The following VPS37A variants were observed in gnomAD, a reference collection of about 807,000 sequenced individuals.
The protein encoded by VPS37A is vacuolar protein sorting-associated protein 37A.
A neutral mutation model predicts 49.8 loss-of-function variants in VPS37A; 30 were observed. The observed-to-expected ratio is 0.60, with a 90% confidence interval of 0.45 to 0.82. The LOEUF is 0.82. VPS37A is among the 40% of genes least tolerant of loss of function. The probability of loss-of-function intolerance (pLI) is 0.00; values close to 1 mark genes in which losing one functional copy is unlikely to be tolerated. For synonymous variants in VPS37A, 195 were observed against 160.6 expected, an observed-to-expected ratio of 1.21 and a Z score of -1.62; for missense variants, 593 against 464.4, an observed-to-expected ratio of 1.28 and a Z score of -2.55.
intron 11 of VPS37A, among the ~76,000 whole-genome samples, chr8:17,291,054 C>G (rs1237891062): frequency 6.6e-6 from 1 of 152,132 alleles, no homozygotes; most frequent in Non-Finnish European, 1.5e-5. Context: ...CATTCTGTTG[C>G]CCAGGCTGGA....
At chr8:17,326,254 C>G in the VPS37A span, 2 of 152,148 alleles carry the variant, frequency 1.3e-5, no homozygotes, top group Non-Finnish European at 2.9e-5. Context: ...TGAGCTGAAA[C>G]AGGTTTCTCA....
chr8:17,251,175 A>G (rs889383924), intron 1 of VPS37A, among the ~76,000 whole-genome samples: 4 of 152,082 alleles, frequency 2.6e-5, no homozygotes, highest in African/African-American at 9.7e-5. Context: ...TGGTCTCATC[A>G]CCCTTCCCCC....
chr8:17,280,108 T>G lies in VPS37A; in HGVS notation c.794T>G (p.Ile265Ser), dbSNP rs1427565447. ...QFLTLPQLKQ[I>S]ITDKDDLVKS... ...CTGACTTTGCCTCAACTAAAACAAA[T>G]TATTACCGACAAAGATGACTTAGTA... The change falls in exon 7 of 12, where the codon ATT becomes AGT. Residue 265 changes from isoleucine (I) to serine (S), a missense_variant. Transcript: ENST00000324849. 1.2e-6 allele frequency: 2 copies of G among 1,612,656 alleles called. No homozygotes were observed. The highest frequency in any genetic ancestry group is 1.1e-5 in the South Asian group (1 of 90,984).
intron 1 of VPS37A, among the ~76,000 whole-genome samples, chr8:17,265,021 A>C (rs147591791): frequency 6.6e-6 from 1 of 152,228 alleles, no homozygotes; most frequent in Non-Finnish European, 1.5e-5. Flanking sequence ...AATGGTGGCT[A>C]AAACAAGATA....
At chr8:17,294,651 C>G (rs960458640) in intron 11 of VPS37A, among the ~76,000 whole-genome samples, 7 of 152,194 alleles carry the variant, frequency 4.6e-5, no homozygotes, top group African/African-American at 1.4e-4. Flanking sequence ...CTGGGTAGCA[C>G]AGTCCCTCAA....
chr8:17,323,854 AC>A, the VPS37A span, among the ~76,000 whole-genome samples: 1 of 152,132 alleles, frequency 6.6e-6, no homozygotes, highest in Non-Finnish European at 1.5e-5. Context: ...TTCTACAAGC[AC>A]TCATTTTGAA....
rs768939808 is a variant in VPS37A at position 17,280,035 on chromosome 8, C to A, written c.721C>A (p.Gln241Lys). The change falls in exon 7 of 12, where the codon CAA (glutamine) becomes AAA (lysine). Residue 241 changes from glutamine to lysine, a missense_variant. By Grantham distance (53) the Gln-to-Lys change is moderately conservative. Coordinates refer to ENST00000324849, the MANE Select transcript of VPS37A (RefSeq NM_152415.3). ...FPELSELSVSQLTDMNEQEEV... is the reference protein window; with the variant it reads ...FPELSELSVSKLTDMNEQEEV... ...TTTCTTTTGTGTTTCTAGTGTGTCA[C>A]AACTCACAGATATGAATGAACAAGA... The A allele has an allele frequency of 1.2e-6, 2 of 1,610,504 alleles. No homozygotes were observed. The highest frequency in any genetic ancestry group is 3.4e-5 in the Admixed American group (2 of 59,642).
In VPS37A at chr8:17,256,290, A is replaced by ATTTTTTTTTTTTTTTTTTTTT. The variant is rs529736602; in HGVS notation, c.125+8929_125+8949dup. Among the ~76,000 whole-genome samples the ATTTTTTTTTTTTTTTTTTTTT allele has an allele frequency of 8.3e-5, 5 of 60,402 alleles. 1 individual carries two copies. The highest frequency in any genetic ancestry group is 3.6e-4 in the African/African-American group (5 of 13,738). 39.6% of individuals were successfully genotyped at this position (60,402 alleles called of 152,430 possible). ...AAGTCTTTTTAGCTGGGGTAAAATG[A>ATTTTTTTTTTTTTTTTTTTTT]TTTTTTTTTTTTTTTTTTTTTTTTT... is the stretch of plus-strand genomic sequence containing the variant. On this transcript the variant is annotated intron_variant, in intron 1 of 11. Coordinates refer to ENST00000324849, the MANE Select transcript of VPS37A (RefSeq NM_152415.3).
At chr8:17,279,860 G>C (rs762950157) in intron 6 of VPS37A, 168 bp from the exon 7 acceptor site, 2 of 779,000 alleles carry the variant, frequency 2.6e-6, no homozygotes, top group South Asian at 2.9e-5. Flanking sequence ...GTTCCATTGT[G>C]GTTGATGTTT....
intron 1 of VPS37A, among the ~76,000 whole-genome samples, chr8:17,262,183 G>C (rs973262712): frequency 4.6e-5 from 7 of 152,202 alleles, no homozygotes; most frequent in African/African-American, 1.7e-4. Context: ...TCACTTCTCT[G>C]TGGCCCTGAG....
the VPS37A span, among the ~76,000 whole-genome samples, chr8:17,307,467 A>G: frequency 2.0e-5 from 3 of 152,148 alleles, no homozygotes; most frequent in African/African-American, 7.2e-5. Flanking sequence ...CCATTGTGGA[A>G]GTCAGTGTGG....
At chr8:17,331,744 T>C in the VPS37A span, among the ~76,000 whole-genome samples, 1 of 152,214 alleles carries the variant, frequency 6.6e-6, no homozygotes, top group Non-Finnish European at 1.5e-5. Flanking sequence ...CAAATAGGAA[T>C]GGTTGCATCA....
At chr8:17,286,220 C>A in intron 10 of VPS37A, 127 bp from the exon 11 acceptor site, 1 of 685,166 alleles carries the variant, frequency 1.5e-6, no homozygotes, top group Non-Finnish European at 2.4e-6. Flanking sequence ...AGATTATTAG[C>A]TATCTTCAAC....
At chr8:17,258,304 A>G (rs780006322) in intron 1 of VPS37A, among the ~76,000 whole-genome samples, 7 of 152,120 alleles carry the variant, frequency 4.6e-5, no homozygotes, top group Non-Finnish European at 1.0e-4. Context: ...GGCCTTTATT[A>G]TTTTGATGTA....
At chr8:17,326,683 T>C in the VPS37A span, among the ~76,000 whole-genome samples, 1 of 152,202 alleles carries the variant, frequency 6.6e-6, no homozygotes, top group African/African-American at 2.4e-5. Context: ...ACAGCCAACA[T>C]GTGGGGCCCT....
chr8:17,309,141 A>T, the VPS37A span: 8 of 634,826 alleles, frequency 1.3e-5, 1 homozygote, highest in Non-Finnish European at 2.2e-5. Context: ...TATGACATAT[A>T]CAACAAAATT....
chr8:17,270,392 G>C (rs1393078442), intron 4 of VPS37A, among the ~76,000 whole-genome samples: 2 of 152,152 alleles, frequency 1.3e-5, no homozygotes, highest in Admixed American at 6.5e-5. Flanking sequence ...GGCAGTTAAT[G>C]TTGGCTTAAT....
chr8:17,292,355 G>T (rs1816233457), intron 11 of VPS37A, among the ~76,000 whole-genome samples: 1 of 152,040 alleles, frequency 6.6e-6, no homozygotes, highest in African/African-American at 2.4e-5. Flanking sequence ...TTAAGCCTGT[G>T]TGTGTCTTTG....
At chr8:17,290,992 G>A (rs144107509) in intron 11 of VPS37A, among the ~76,000 whole-genome samples, 1 of 152,204 alleles carries the variant, frequency 6.6e-6, no homozygotes, top group African/African-American at 2.4e-5. Context: ...TTGTATTTCT[G>A]TGGGATCGGT....
Sources: gnomAD v4.1 joint callset for allele counts (sites outside exome capture counted in the v4.1 genomes callset) on GRCh38, gnomAD v4.1.1 for gene constraint, MANE v1.5 for transcripts, NCBI Gene and HGNC (gene_info 2026-07-23, HGNC 2026-07-21) for gene names.